Variants in LRMDA observed in about 807,000 individuals in gnomAD.
LRMDA encodes the protein leucine-rich melanocyte differentiation-associated protein.
In LRMDA, 18 loss-of-function variants were observed where a neutral mutation model predicts 29.8. The ratio of observed to expected loss-of-function variants is 0.60; its 90% CI spans 0.42 to 0.90. LRMDA has a LOEUF of 0.90. Among genes scored for constraint, LRMDA ranks in the 40% least tolerant of loss-of-function variants. The pLI is 0.00. For missense variants in LRMDA, 273 were observed against 273.9 expected (o/e 1.00, Z 0.02); for synonymous variants, 125 against 109.4 (o/e 1.14, Z -0.89).
chr10:75,702,118 C>T (rs1411913474), intron 2 of LRMDA, among the ~76,000 whole-genome samples: 2 of 152,196 alleles, frequency 1.3e-5, no homozygotes, highest in African/African-American at 2.4e-5. Context: ...TGACTTCTTC[C>T]AGAAGGCACT....
chr10:75,695,717 C>T (rs1244774120), intron 2 of LRMDA, among the ~76,000 whole-genome samples: 1 of 152,194 alleles, frequency 6.6e-6, no homozygotes, highest in African/African-American at 2.4e-5. Context: ...TTACCCATAA[C>T]TAGCAGTTTC....
At chr10:75,716,172 A>C (rs1299626302) in intron 2 of LRMDA, among the ~76,000 whole-genome samples, 3 of 152,218 alleles carry the variant, frequency 2.0e-5, no homozygotes, top group Non-Finnish European at 4.4e-5. Flanking sequence ...CTACTGCTAC[A>C]CAGTTAATCT....
chr10:75,751,691 A>C (rs1221543409), intron 2 of LRMDA, among the ~76,000 whole-genome samples: 1 of 151,764 alleles, frequency 6.6e-6, no homozygotes, highest in Non-Finnish European at 1.5e-5. Flanking sequence ...CACCCCCTAG[A>C]CCCCTGCAGT....
rs555858652 is a variant in LRMDA at position 75,694,072 on chromosome 10, A to G, written c.131+255578A>G. 1.4e-4 allele frequency among the ~76,000 whole-genome samples: 22 copies of G among 152,342 alleles called. No homozygotes were observed. The South Asian group carries it at 4.6e-3, about 32-fold the overall frequency. ...TGATTATGATATGTAGAGGAAAAAA[A>G]TGTTTGACAACAAAAAATTAACCAG... On this transcript the variant is annotated intron_variant, in intron 2 of 6. Transcript: ENST00000611255.
intron 6 of LRMDA, among the ~76,000 whole-genome samples, chr10:76,390,251 C>G (rs1490124891): frequency 6.6e-6 from 1 of 152,108 alleles, no homozygotes; most frequent in Non-Finnish European, 1.5e-5. Flanking sequence ...CTTTCCCCAT[C>G]TTTTCATGTG....
intron 2 of LRMDA, among the ~76,000 whole-genome samples, chr10:75,858,818 G>A (rs1844870693): frequency 6.6e-6 from 1 of 152,214 alleles, no homozygotes; most frequent in Non-Finnish European, 1.5e-5. Context: ...CTGAGGCTCA[G>A]TTCTTTTTGG....
At chr10:75,776,659 G>C (rs980220396) in intron 2 of LRMDA, among the ~76,000 whole-genome samples, 1 of 152,168 alleles carries the variant, frequency 6.6e-6, no homozygotes, top group Non-Finnish European at 1.5e-5. Flanking sequence ...ATTGCATGCT[G>C]TACATTTTAC....
intron 6 of LRMDA, among the ~76,000 whole-genome samples, chr10:76,484,587 C>T (rs1842763284): frequency 6.6e-6 from 1 of 151,786 alleles, no homozygotes; most frequent in African/African-American, 2.4e-5. Flanking sequence ...TATTTAATTT[C>T]TACTGTTGTA....
At chr10:75,882,808 C>T (rs1845316923) in intron 2 of LRMDA, 1 of 152,348 alleles carries the variant, frequency 6.6e-6, no homozygotes. Flanking sequence ...CTCCCCCTTC[C>T]AGGGCCCTCC....
intron 2 of LRMDA, among the ~76,000 whole-genome samples, chr10:75,728,473 T>C (rs1403971752): frequency 7.6e-6 from 1 of 131,018 alleles, no homozygotes; most frequent in Non-Finnish European, 1.6e-5. Context: ...TGTGTGTGTA[T>C]GAAAGGTGCA....
chr10:76,544,219 C>G (rs1843392020), intron 6 of LRMDA, among the ~76,000 whole-genome samples: 1 of 152,176 alleles, frequency 6.6e-6, no homozygotes, highest in Admixed American at 6.5e-5. Flanking sequence ...AGCTGGGCAT[C>G]AAACTGTCGG....
chr10:75,454,538 T>C (rs996552189), intron 2 of LRMDA, among the ~76,000 whole-genome samples: 4 of 152,138 alleles, frequency 2.6e-5, no homozygotes, highest in African/African-American at 9.7e-5. Flanking sequence ...TGGTGGGGTG[T>C]TAATTTTGTT....
intron 5 of LRMDA, among the ~76,000 whole-genome samples, chr10:76,289,447 T>C (rs1270824479): frequency 6.6e-6 from 1 of 152,180 alleles, no homozygotes; most frequent in African/African-American, 2.4e-5. Flanking sequence ...GTGTTTGTAA[T>C]GCAGAGAACA....
At chr10:76,200,229 G>A (rs1423376248) in intron 5 of LRMDA, among the ~76,000 whole-genome samples, 1 of 152,180 alleles carries the variant, frequency 6.6e-6, no homozygotes, top group Non-Finnish European at 1.5e-5. Flanking sequence ...CTACTCAAGT[G>A]CTGGGATGAC....
chr10:76,222,694 G>C (rs925000153), intron 5 of LRMDA, among the ~76,000 whole-genome samples: 3 of 152,200 alleles, frequency 2.0e-5, no homozygotes, highest in Admixed American at 6.5e-5. Flanking sequence ...TTCAACCCTT[G>C]TGGAAGTCAG....
intron 5 of LRMDA, among the ~76,000 whole-genome samples, chr10:76,065,463 T>A (rs1848768630): frequency 6.6e-6 from 1 of 152,214 alleles, no homozygotes; most frequent in Admixed American, 6.5e-5. Flanking sequence ...AGCCAGTGCC[T>A]GGGGGATGTT....
At chr10:75,676,527 AAC>A (rs551918293) in intron 2 of LRMDA, among the ~76,000 whole-genome samples, 119 of 152,320 alleles carry the variant, frequency 7.8e-4, no homozygotes, top group Non-Finnish European at 1.4e-3. Flanking sequence ...GCAATGGGCA[AAC>A]ACAAACACTA....
intron 2 of LRMDA, among the ~76,000 whole-genome samples, chr10:75,804,685 C>G (rs1355476232): frequency 2.0e-5 from 3 of 152,208 alleles, no homozygotes. Flanking sequence ...GGGGCTTGCT[C>G]TGGGAGGGGC....
At chr10:75,952,109 C>T (rs1432844316) in intron 2 of LRMDA, among the ~76,000 whole-genome samples, 1 of 152,176 alleles carries the variant, frequency 6.6e-6, no homozygotes, top group Non-Finnish European at 1.5e-5. Flanking sequence ...ATCTCAGAAA[C>T]CCTGGGGTCC....
Sources: gnomAD v4.1 joint callset for allele counts (sites outside exome capture counted in the v4.1 genomes callset) on GRCh38, gnomAD v4.1.1 for gene constraint, MANE v1.5 for transcripts, NCBI Gene and HGNC (gene_info 2026-07-23, HGNC 2026-07-21) for gene names.